The following PKIB variants were observed in gnomAD, a reference collection of about 807,000 sequenced individuals.
PKIB encodes the protein cAMP-dependent protein kinase inhibitor beta, also known as PKI-beta.
Under a neutral mutation model 4.5 loss-of-function variants are expected in PKIB, and 2 were observed. The ratio of observed to expected loss-of-function variants is 0.44; its 90% confidence interval spans 0.18 to 1.39. The LOEUF (loss-of-function observed/expected upper bound fraction) is 1.39. PKIB is among the 40% of genes most tolerant of loss of function. PKIB has a pLI of 0.27. For missense variants in PKIB, 94 were observed against 92.6 expected (o/e 1.02, Z -0.06); for synonymous variants, 38 against 36.0 (o/e 1.06, Z -0.20).
intron 3 of PKIB, among the ~76,000 whole-genome samples, chr6:122,589,916 G>A (rs1433841591): frequency 1.3e-5 from 2 of 152,084 alleles, no homozygotes; most frequent in Non-Finnish European, 2.9e-5. Context: ...GCAATGCATA[G>A]TCTCTGTTAA....
chr6:122,560,183 G>T (rs192280895), intron 2 of PKIB, among the ~76,000 whole-genome samples: 1 of 151,908 alleles, frequency 6.6e-6, no homozygotes, highest in Non-Finnish European at 1.5e-5. Context: ...TGGGTTTGTC[G>T]TAGATGGCTT....
At chr6:122,522,552 G>T (rs1164240620) in intron 2 of PKIB, among the ~76,000 whole-genome samples, 1 of 152,218 alleles carries the variant, frequency 6.6e-6, no homozygotes, top group Admixed American at 6.5e-5. Flanking sequence ...GGCCCTGGTG[G>T]TGTAGGCACC....
chr6:122,519,292 G>A (rs952100983), intron 2 of PKIB, among the ~76,000 whole-genome samples: 1 of 152,146 alleles, frequency 6.6e-6, no homozygotes, highest in African/African-American at 2.4e-5. Flanking sequence ...ACCCCCAGAT[G>A]AGACTGTCTA....
intron 2 of PKIB, among the ~76,000 whole-genome samples, chr6:122,530,842 G>A (rs1432273327): frequency 6.6e-6 from 1 of 152,192 alleles, no homozygotes; most frequent in Non-Finnish European, 1.5e-5. Context: ...CTTTCTAATT[G>A]TTCTGCAATA....
chr6:122,499,352 T>C (rs1386793125), intron 2 of PKIB, among the ~76,000 whole-genome samples: 1 of 152,086 alleles, frequency 6.6e-6, no homozygotes, highest in African/African-American at 2.4e-5. Context: ...CACATCAAAA[T>C]TTATTCACCA....
intron 2 of PKIB, among the ~76,000 whole-genome samples, chr6:122,504,405 G>A (rs1478337244): frequency 1.3e-5 from 2 of 152,102 alleles, no homozygotes; most frequent in Non-Finnish European, 2.9e-5. Flanking sequence ...CATTTAATGA[G>A]GCATGTTTTA....
At chr6:122,672,847 G>A (rs1000901202) in intron 2 of PKIB, among the ~76,000 whole-genome samples, 4 of 151,646 alleles carry the variant, frequency 2.6e-5, no homozygotes, top group African/African-American at 7.3e-5. Context: ...ATTTGTTAGG[G>A]GCGTGCTACT....
intron 2 of PKIB, among the ~76,000 whole-genome samples, chr6:122,537,020 T>A (rs542101936): frequency 7.2e-5 from 11 of 151,976 alleles, no homozygotes; most frequent in Non-Finnish European, 1.5e-4. Context: ...AAGATCTCCA[T>A]CTGTTGGGAC....
intron 2 of PKIB, among the ~76,000 whole-genome samples, chr6:122,552,763 T>C (rs1207929111): frequency 6.6e-6 from 1 of 152,150 alleles, no homozygotes; most frequent in Non-Finnish European, 1.5e-5. Flanking sequence ...GGTGTTTTTA[T>C]TTCCAGCAAG....
intron 4 of PKIB, among the ~76,000 whole-genome samples, chr6:122,724,145 A>G (rs1779851305): frequency 6.6e-6 from 1 of 152,218 alleles, no homozygotes; most frequent in Admixed American, 6.5e-5. Flanking sequence ...TTAAAGGATG[A>G]AAGAGAAGAT....
chr6:122,716,354 C>T (rs1255447823), intron 3 of PKIB, among the ~76,000 whole-genome samples: 1 of 152,114 alleles, frequency 6.6e-6, no homozygotes, highest in Non-Finnish European at 1.5e-5. Context: ...TAATGGAGCA[C>T]ATTCTTTTTG....
intron 2 of PKIB, among the ~76,000 whole-genome samples, chr6:122,506,509 TG>T (rs994939022): frequency 6.6e-6 from 1 of 152,158 alleles, no homozygotes; most frequent in African/African-American, 2.4e-5. Context: ...GCCCAAATTA[TG>T]GGAAACTGGG....
chr6:122,548,467 T>C (rs902990392), intron 2 of PKIB, among the ~76,000 whole-genome samples: 1 of 152,162 alleles, frequency 6.6e-6, no homozygotes, highest in Admixed American at 6.5e-5. Context: ...TAGAGAATGA[T>C]AGGGAGAAAG....
At chr6:122,551,874 C>CTTTTTTTTTTTTTTTTTTTTTTTTTTTTT (rs61025863) in intron 2 of PKIB, among the ~76,000 whole-genome samples, 1 of 87,520 alleles carries the variant, frequency 1.1e-5, no homozygotes. Context: ...CTTAGTACAT[C>CTTTTTTTTTTTTTTTTTTTTTTTTTTTTT]TTTTTTTTTT....
At chr6:122,612,876 T>G (rs1774819847) in intron 1 of PKIB, among the ~76,000 whole-genome samples, 1 of 152,144 alleles carries the variant, frequency 6.6e-6, no homozygotes, top group South Asian at 2.1e-4. Context: ...AGAGTAATTT[T>G]TGTAGAAGTT....
At chr6:122,666,058 T>C (rs1387125443) in intron 2 of PKIB, among the ~76,000 whole-genome samples, 1 of 152,078 alleles carries the variant, frequency 6.6e-6, no homozygotes, top group Non-Finnish European at 1.5e-5. Context: ...GTGAGCCGAG[T>C]TTCCCCAAGT....
intron 3 of PKIB, among the ~76,000 whole-genome samples, chr6:122,597,664 A>G (rs1774220464): frequency 6.6e-6 from 1 of 152,132 alleles, no homozygotes; most frequent in African/African-American, 2.4e-5. Flanking sequence ...CAGGGATGCA[A>G]TATTGCTTTT....
intron 2 of PKIB, among the ~76,000 whole-genome samples, chr6:122,537,512 A>T (rs9401552): frequency 0.14 from 21,150 of 152,122 alleles, 1,577 homozygotes; most frequent in East Asian, 0.26. Flanking sequence ...ACATGAACTC[A>T]TCATTTTTTA....
At chr6:122,724,267 G>T (rs1016425959) in intron 4 of PKIB, among the ~76,000 whole-genome samples, 2 of 152,086 alleles carry the variant, frequency 1.3e-5, no homozygotes, top group African/African-American at 4.8e-5. Context: ...AATGAAGAGC[G>T]CAGATGATTA....
Sources: gnomAD v4.1 joint callset for allele counts (sites outside exome capture counted in the v4.1 genomes callset) on GRCh38, gnomAD v4.1.1 for gene constraint, MANE v1.5 for transcripts, NCBI Gene and HGNC (gene_info 2026-07-23, HGNC 2026-07-21) for gene names.